Variants in MRPL45 observed in about 807,000 individuals in gnomAD.
MRPL45 encodes the protein mitochondrial ribosomal protein L45, also known as large ribosomal subunit protein mL45.
In MRPL45, 20 loss-of-function variants were observed where a neutral mutation model predicts 38.1. The ratio of observed to expected loss-of-function variants is 0.53; its 90% CI spans 0.37 to 0.76. The LOEUF (loss-of-function observed/expected upper bound fraction) is 0.76, where lower values mean the gene tolerates loss of function less well. Ranked by LOEUF, MRPL45 falls within the 30% of genes least tolerant of loss-of-function variation. MRPL45 has a pLI of 0.00. For missense variants in MRPL45, 337 were observed against 395.6 expected (o/e 0.85, Z 1.26); for synonymous variants, 105 against 128.8 (o/e 0.82, Z 1.25).
intron 4 of MRPL45, among the ~76,000 whole-genome samples, chr17:38,310,126 TTTTC>T (rs940465459): frequency 4.6e-4 from 28 of 60,776 alleles, no homozygotes; most frequent in Non-Finnish European, 8.7e-4. Context: ...GCTTTTAGAA[TTTTC>T]TTTTTTTTTT....
chr17:38,314,083 A>G (rs1163911974), intron 4 of MRPL45, among the ~76,000 whole-genome samples: 1 of 151,972 alleles, frequency 6.6e-6, no homozygotes, highest in African/African-American at 2.4e-5. Context: ...CCCCCATTTT[A>G]TGGTTTGTCT....
At position 38,297,222 on chromosome 17, in the gene MRPL45, G is replaced by C. The variant is rs761662639; in HGVS notation, c.39G>C (p.Ser13=). 14 of 1,614,214 alleles carry C rather than the reference G, an allele frequency of 8.7e-6. No homozygotes were observed. Among genetic ancestry groups the C allele is most frequent in the Non-Finnish European group, 1.2e-5 (14 of 1,180,042 alleles). The change falls in exon 1 of 8, where the codon TCG becomes TCC. Residue 13 remains serine, a synonymous_variant. Coordinates refer to ENST00000613675, the MANE Select transcript of MRPL45 (RefSeq NM_032351.6). ...TACCTCAAGGGTTCTCTTGTTTATC[G>C]AGGTTTTTGGGCTGGTGGTCTCGGC... The part of the protein sequence containing the change: ...APIPQGFSCL[S]RFLGWWSRQP...
intron 4 of MRPL45, among the ~76,000 whole-genome samples, chr17:38,313,297 T>TCAAAAAA (rs1476178260): frequency 5.4e-5 from 1 of 18,528 alleles, no homozygotes; most frequent in African/African-American, 1.3e-4. Context: ...TCCTTTCTAT[T>TCAAAAAA]AAAAAAAAAA....
intron 4 of MRPL45, among the ~76,000 whole-genome samples, chr17:38,314,195 C>T (rs1423306023): frequency 6.6e-6 from 1 of 152,054 alleles, no homozygotes; most frequent in Non-Finnish European, 1.5e-5. Flanking sequence ...ACCTCTGCCT[C>T]CTGGGTTCAA....
At chr17:38,316,737 CAAAAAAAAAAAAAAAAA>C (rs61383463) in intron 4 of MRPL45, among the ~76,000 whole-genome samples, 8 of 61,216 alleles carry the variant, frequency 1.3e-4, no homozygotes, top group African/African-American at 3.5e-4. Context: ...TGGTGCAATC[CAAAAAAAAAAAAAAAAA>C]AAAAAAAAAA....
chr17:38,312,701 G>A (rs527903826), intron 4 of MRPL45, among the ~76,000 whole-genome samples: 45 of 152,014 alleles, frequency 3.0e-4, no homozygotes, highest in African/African-American at 8.9e-4. Flanking sequence ...AAAATCATCC[G>A]GGCATGGTGG....
rs71138604 is a variant in MRPL45, at chr17:38,312,984, G to GTTTT, written c.462-5688_462-5685dup. Among the ~76,000 whole-genome samples, 99 of 113,678 alleles carry GTTTT rather than the reference G, an allele frequency of 8.7e-4. 3 individuals carry two copies. The highest frequency in any genetic ancestry group is 5.7e-3 in the Middle Eastern group (1 of 176). The allele number at this position is 113,678 out of a possible 152,430, so 74.6% of individuals were successfully genotyped here. On this transcript the variant is annotated intron_variant, in intron 4 of 7. Coordinates refer to ENST00000613675, the MANE Select transcript of MRPL45 (RefSeq NM_032351.6). ...ATACCTATTACTTTCCTTTTTATTG[G>GTTTT]TTTTTTTTTTTTTTTTTTGAGATGG...
At chr17:38,319,078 C>A (rs1355939972) in intron 5 of MRPL45, among the ~76,000 whole-genome samples, 3 of 151,160 alleles carry the variant, frequency 2.0e-5, no homozygotes, top group Non-Finnish European at 4.4e-5. Flanking sequence ...CTCTGTCGCC[C>A]AGGATGGAGT....
intron 4 of MRPL45, among the ~76,000 whole-genome samples, chr17:38,307,976 G>A (rs1179532893): frequency 6.6e-6 from 1 of 151,928 alleles, no homozygotes; most frequent in East Asian, 1.9e-4. Context: ...TGCAATCACA[G>A]CTCATTGCAG....
chr17:38,308,463 T>A (rs1897349878), intron 4 of MRPL45, among the ~76,000 whole-genome samples: 2 of 150,018 alleles, frequency 1.3e-5, no homozygotes, highest in South Asian at 4.2e-4. Context: ...TGTTTTGAGA[T>A]AGACTCTTGC....
At chr17:38,313,348 GTA>G (rs1194428266) in intron 4 of MRPL45, among the ~76,000 whole-genome samples, 13 of 18,064 alleles carry the variant, frequency 7.2e-4, no homozygotes, top group South Asian at 2.2e-3. Context: ...ATATATATAC[GTA>G]TATATATATA....
intron 7 of MRPL45, 62 bp from the exon 8 acceptor site, chr17:38,322,447 G>A: frequency 7.2e-7 from 1 of 1,385,778 alleles, no homozygotes; most frequent in East Asian, 2.4e-5. Flanking sequence ...AGCAAGGGAT[G>A]AAGCTCTTCT....
At chr17:38,311,965 T>A (rs1253448533) in intron 4 of MRPL45, among the ~76,000 whole-genome samples, 1 of 152,132 alleles carries the variant, frequency 6.6e-6, no homozygotes, top group Non-Finnish European at 1.5e-5. Flanking sequence ...CTTTTGTGAT[T>A]GGCTTAGTTC....
intron 4 of MRPL45, among the ~76,000 whole-genome samples, chr17:38,317,473 A>G (rs1041542730): frequency 2.6e-5 from 4 of 152,252 alleles, no homozygotes; most frequent in Admixed American, 2.6e-4. Flanking sequence ...AAAGAAGCTA[A>G]TCTATGGCCT....
At chr17:38,319,910 G>C (rs2037213237) in intron 5 of MRPL45, among the ~76,000 whole-genome samples, 1 of 152,142 alleles carries the variant, frequency 6.6e-6, no homozygotes, top group Non-Finnish European at 1.5e-5. Context: ...AGACCATCCT[G>C]GCTAACATGG....
chr17:38,319,076 C>T (rs1303649193), intron 5 of MRPL45, among the ~76,000 whole-genome samples: 2 of 151,052 alleles, frequency 1.3e-5, no homozygotes, highest in Non-Finnish European at 2.9e-5. Flanking sequence ...CGCTCTGTCG[C>T]CCAGGATGGA....
In MRPL45 at chr17:38,323,100, A is replaced by C. The variant is rs2037247753; in HGVS notation, c.*505A>C. The C allele has an allele frequency of 6.5e-6, 1 of 154,468 alleles. No homozygotes were observed. The highest frequency in any genetic ancestry group is 2.4e-5 in the African/African-American group (1 of 41,486). The allele number at this position is 154,468 out of a possible 1,614,324, so 9.6% of individuals were successfully genotyped here. On this transcript the variant is annotated 3_prime_UTR_variant, in exon 8 of 8. Coordinates refer to ENST00000613675, the MANE Select transcript of MRPL45 (RefSeq NM_032351.6). ...GACTTTAAGGAAATGAAGACTGGGGAAGAATAATTAGTGTTTATAAGACAT... is the reference window on the plus strand; with the variant it reads ...GACTTTAAGGAAATGAAGACTGGGGCAGAATAATTAGTGTTTATAAGACAT...
Position 38,322,732 on chromosome 17 carries a change from C to A in MRPL45, c.*137C>A. On this transcript the variant is annotated 3_prime_UTR_variant, in exon 8 of 8. Coordinates refer to ENST00000613675, the MANE Select transcript of MRPL45 (RefSeq NM_032351.6). Reference sequence around the variant, plus strand: ...GCTCAGGTCTTTTCAGCAGTCTCATCATCAGCAACCATGACTGATGACTGG... The same window carrying A: ...GCTCAGGTCTTTTCAGCAGTCTCATAATCAGCAACCATGACTGATGACTGG... 1 of 656,728 alleles carries A rather than the reference C, an allele frequency of 1.5e-6. No homozygotes were observed. Among genetic ancestry groups the A allele is most frequent in the South Asian group, 1.9e-5 (1 of 51,524 alleles). 40.7% of individuals were successfully genotyped at this position (656,728 alleles called of 1,614,324 possible). A position where few individuals can be genotyped will look rare whatever the true frequency, so the allele number is the denominator to read the frequency against.
rs745502105 is a variant in MRPL45 at position 38,322,266 on chromosome 17, C to T, written c.801C>T (p.Pro267=). Residue 267 remains proline (P), a synonymous_variant, in exon 7 of 8, where the codon CCC becomes CCT. Coordinates refer to ENST00000613675, the MANE Select transcript of MRPL45 (RefSeq NM_032351.6). ...GSWRMHTKIV[P]PWAPPKQPIL... Reference sequence around the variant, plus strand: ...GGAGAATGCATACCAAGATCGTTCCCCCATGGGCACCCCCTAAGCAGCCCA... The same window carrying T: ...GGAGAATGCATACCAAGATCGTTCCTCCATGGGCACCCCCTAAGCAGCCCA... The T allele has an allele frequency of 3.7e-6, 6 of 1,614,058 alleles. No individual in the cohort carries two copies. The highest frequency in any genetic ancestry group is 4.2e-6 in the Non-Finnish European group (5 of 1,180,010).
Sources: gnomAD v4.1 joint callset for allele counts (sites outside exome capture counted in the v4.1 genomes callset) on GRCh38, gnomAD v4.1.1 for gene constraint, MANE v1.5 for transcripts, NCBI Gene and HGNC (gene_info 2026-07-23, HGNC 2026-07-21) for gene names.